ERBB4: variants seen among roughly 807,000 people sequenced by gnomAD.
The protein encoded by ERBB4 is receptor tyrosine-protein kinase erbB-4.
Under a neutral mutation model 158.0 loss-of-function variants are expected in ERBB4, and 42 were observed. The ratio of observed to expected loss-of-function variants is 0.27; its 90% confidence interval spans 0.21 to 0.34. The LOEUF is 0.34. ERBB4 is among the 10% of genes least tolerant of loss of function. The pLI, the probability that ERBB4 is intolerant of heterozygous loss-of-function variation, is 1.00. For missense variants in ERBB4, 1,333 were observed against 1,624.1 expected (o/e 0.82, Z 3.08); for synonymous variants, 583 against 558.7 (o/e 1.04, Z -0.61).
chr2:211,773,645 T>TATATAA, intron 4 of ERBB4, among the ~76,000 whole-genome samples: 1 of 85,294 alleles, frequency 1.2e-5, no homozygotes, highest in East Asian at 5.4e-4. Context: ...TATATATATA[T>TATATAA]ATAATATATA....
chr2:212,174,651 C>T (rs186897904), intron 1 of ERBB4, among the ~76,000 whole-genome samples: 1 of 152,130 alleles, frequency 6.6e-6, no homozygotes, highest in Admixed American at 6.6e-5. Flanking sequence ...TTCATCTTTA[C>T]ACAGGGACTT....
chr2:211,691,470 C>G (rs1024609369), intron 12 of ERBB4, among the ~76,000 whole-genome samples: 1 of 151,812 alleles, frequency 6.6e-6, no homozygotes, highest in African/African-American at 2.4e-5. Context: ...GAGGATATAA[C>G]TGAAACATGA....
chr2:211,665,503 G>GA, intron 14 of ERBB4, 26 bp from the exon 15 acceptor site: 1 of 1,608,856 alleles, frequency 6.2e-7, no homozygotes, highest in Non-Finnish European at 8.5e-7. Flanking sequence ...GAAAAAAAAA[G>GA]AAAAAAGAAA....
At chr2:212,269,630 T>C (rs1003803729) in intron 1 of ERBB4, among the ~76,000 whole-genome samples, 2 of 151,832 alleles carry the variant, frequency 1.3e-5, no homozygotes, top group Admixed American at 6.6e-5. Flanking sequence ...CAAATAAACA[T>C]GGGATGAAGA....
At chr2:211,751,714 A>C (rs2075135227) in intron 4 of ERBB4, among the ~76,000 whole-genome samples, 1 of 152,270 alleles carries the variant, frequency 6.6e-6, no homozygotes, top group African/African-American at 2.4e-5. Context: ...CCTTGATTCA[A>C]GTTTTTAATT....
intron 1 of ERBB4, among the ~76,000 whole-genome samples, chr2:212,269,224 G>T (rs751850921): frequency 6.6e-6 from 1 of 151,832 alleles, no homozygotes; most frequent in Non-Finnish European, 1.5e-5. Flanking sequence ...CAATTGTACA[G>T]ATGGGAGTTA....
intron 3 of ERBB4, among the ~76,000 whole-genome samples, chr2:211,803,948 C>A (rs1276182840): frequency 6.6e-6 from 1 of 152,114 alleles, no homozygotes; most frequent in African/African-American, 2.4e-5. Context: ...ACAGTAGAGA[C>A]CAGAAGGCAC....
At chr2:211,820,316 A>G (rs2076967064) in intron 3 of ERBB4, among the ~76,000 whole-genome samples, 1 of 151,902 alleles carries the variant, frequency 6.6e-6, no homozygotes, top group Non-Finnish European at 1.5e-5. Flanking sequence ...ATATGCCAAT[A>G]AATTTGAAAA....
At chr2:212,112,707 T>G (rs924207066) in intron 2 of ERBB4, among the ~76,000 whole-genome samples, 46 of 152,146 alleles carry the variant, frequency 3.0e-4, no homozygotes, top group African/African-American at 1.1e-3. Context: ...AGGGTTGTAA[T>G]AAGGAGTGGG....
intron 1 of ERBB4, among the ~76,000 whole-genome samples, chr2:212,141,783 GA>G (rs1417834656): frequency 6.6e-6 from 1 of 152,038 alleles, no homozygotes; most frequent in Non-Finnish European, 1.5e-5. Context: ...GTCCCTATTT[GA>G]ATATTGCCAT....
chr2:212,442,741 G>A (rs777375098), intron 1 of ERBB4, among the ~76,000 whole-genome samples: 3 of 152,174 alleles, frequency 2.0e-5, no homozygotes, highest in Non-Finnish European at 2.9e-5. Context: ...GACTGGTAGG[G>A]TGAGGGCCAT....
In ERBB4 at chr2:211,943,987, G is replaced by C. The variant is rs564288104; in HGVS notation, c.421+3443C>G. Among the ~76,000 whole-genome samples, 44 of 150,668 alleles carry C rather than the reference G, an allele frequency of 2.9e-4. No homozygotes were observed. The South Asian group carries it at 9.0e-3, about 31-fold the overall frequency. On this transcript the variant is annotated intron_variant, in intron 3 of 27. Coordinates refer to ENST00000342788, the MANE Select transcript of ERBB4 (RefSeq NM_005235.3). The stretch of plus-strand genomic sequence containing the variant: ...TACACAAAGTTTGCAGAAAGCTAAT[G>C]TGCTGTTCTGAACACACACTATTCT...
chr2:211,600,388 A>C (rs930608120), intron 19 of ERBB4, among the ~76,000 whole-genome samples: 3 of 152,208 alleles, frequency 2.0e-5, no homozygotes, highest in African/African-American at 7.2e-5. Context: ...GAAAAATGAT[A>C]AGAAATGGAG....
intron 1 of ERBB4, among the ~76,000 whole-genome samples, chr2:212,139,265 C>T (rs1005872876): frequency 1.3e-5 from 2 of 151,892 alleles, no homozygotes; most frequent in Non-Finnish European, 2.9e-5. Context: ...ATGTCTTCTA[C>T]ATTTAAGAGC....
chr2:211,564,031 C>A (rs1315532380), intron 19 of ERBB4, among the ~76,000 whole-genome samples: 1 of 152,102 alleles, frequency 6.6e-6, no homozygotes, highest in East Asian at 1.9e-4. Flanking sequence ...ATTGAATTCA[C>A]AAATTACTTC....
intron 1 of ERBB4, among the ~76,000 whole-genome samples, chr2:212,406,117 T>C (rs183366938): frequency 8.5e-5 from 13 of 152,220 alleles, no homozygotes; most frequent in Non-Finnish European, 1.5e-4. Flanking sequence ...TCAATTTTTG[T>C]CTCTATTTCT....
chr2:212,070,297 A>G (rs1336566501), intron 2 of ERBB4, among the ~76,000 whole-genome samples: 1 of 152,054 alleles, frequency 6.6e-6, no homozygotes, highest in Non-Finnish European at 1.5e-5. Flanking sequence ...TACACTCTCA[A>G]TGCAATCCTT....
At chr2:212,026,648 G>A (rs774405253) in intron 2 of ERBB4, among the ~76,000 whole-genome samples, 21 of 151,786 alleles carry the variant, frequency 1.4e-4, no homozygotes, top group Non-Finnish European at 2.5e-4. Flanking sequence ...CTTTCAAAAT[G>A]GAATATGAAT....
chr2:211,654,751 C>T (rs905977479), intron 16 of ERBB4, among the ~76,000 whole-genome samples: 2 of 152,108 alleles, frequency 1.3e-5, no homozygotes, highest in African/African-American at 4.8e-5. Flanking sequence ...CATCATGGAG[C>T]CAATATTTGA....
Sources: gnomAD v4.1 joint callset for allele counts (sites outside exome capture counted in the v4.1 genomes callset) on GRCh38, gnomAD v4.1.1 for gene constraint, MANE v1.5 for transcripts, NCBI Gene and HGNC (gene_info 2026-07-23, HGNC 2026-07-21) for gene names.